NALF1: variants seen among roughly 807,000 people sequenced by gnomAD.
The protein encoded by NALF1 is NALCN channel auxiliary factor 1, also known as family with sequence similarity 155 member A.
In NALF1, 3 loss-of-function variants were observed where a neutral mutation model predicts 48.4. That is an observed-to-expected ratio of 0.06 (90% CI 0.03 to 0.16). The LOEUF is 0.16. NALF1 is among the 10% of genes least tolerant of loss of function. The probability of loss-of-function intolerance (pLI) is 1.00; values close to 1 mark genes in which losing one functional copy is unlikely to be tolerated. For synonymous variants in NALF1, 262 were observed against 245.7 expected (o/e 1.07, Z -0.62); for missense variants, 526 against 571.5 (o/e 0.92, Z 0.81).
chr13:107,191,894 C>T lies in NALF1; in HGVS notation c.1087+18690G>A, dbSNP rs1594062884. Among the ~76,000 whole-genome samples, 6 of 140,756 alleles carry T rather than the reference C, an allele frequency of 4.3e-5. No individual in the cohort carries two copies. The South Asian group carries it at 1.3e-3, about 31-fold the overall frequency. The allele number at this position is 140,756 out of a possible 152,430, so 92.3% of individuals were successfully genotyped here. Reference sequence around the variant, plus strand: ...ACGGGGTTTCACCATATTGGCCAGGCTGGTCTTGAACTCCTGACCTCAGGT... The same window carrying T: ...ACGGGGTTTCACCATATTGGCCAGGTTGGTCTTGAACTCCTGACCTCAGGT... On this transcript the variant is annotated intron_variant, in intron 2 of 2. Transcript: ENST00000375915.
intron 1 of NALF1, among the ~76,000 whole-genome samples, chr13:107,263,739 TTTATAAA>T (rs1159098475): frequency 3.3e-5 from 5 of 152,176 alleles, no homozygotes; most frequent in Non-Finnish European, 7.3e-5. Flanking sequence ...CCTCTTTTCC[TTTATAAA>T]TTACCCAGTC....
intron 1 of NALF1, among the ~76,000 whole-genome samples, chr13:107,451,484 T>G (rs2139035439): frequency 6.6e-6 from 1 of 152,302 alleles, no homozygotes; most frequent in Non-Finnish European, 1.5e-5. Context: ...ATAAAGAGTG[T>G]TAGCCATACA....
chr13:107,456,216 C>T (rs1884822927), intron 1 of NALF1, among the ~76,000 whole-genome samples: 1 of 152,248 alleles, frequency 6.6e-6, no homozygotes, highest in South Asian at 2.1e-4. Context: ...TCACCTGACA[C>T]TAGAGTGCCT....
At chr13:107,612,676 G>T (rs570177058) in intron 1 of NALF1, among the ~76,000 whole-genome samples, 1 of 152,066 alleles carries the variant, frequency 6.6e-6, no homozygotes, top group Admixed American at 6.5e-5. Context: ...AAACACAGGC[G>T]GGTATACTGG....
intron 1 of NALF1, among the ~76,000 whole-genome samples, chr13:107,278,634 G>C (rs960146534): frequency 6.6e-6 from 1 of 152,090 alleles, no homozygotes; most frequent in African/African-American, 2.4e-5. Flanking sequence ...CAATAAAGTA[G>C]CTTGTTTACA....
intron 1 of NALF1, among the ~76,000 whole-genome samples, chr13:107,454,660 G>T (rs1323986062): frequency 6.6e-6 from 1 of 152,122 alleles, no homozygotes; most frequent in Non-Finnish European, 1.5e-5. Flanking sequence ...TTTCTTAATG[G>T]TGAGACACAG....
intron 1 of NALF1, among the ~76,000 whole-genome samples, chr13:107,668,366 T>C (rs1245624171): frequency 6.6e-6 from 1 of 151,948 alleles, no homozygotes. Flanking sequence ...ACTCAGGTAG[T>C]TTTGCTCCTG....
chr13:107,570,490 TGA>T (rs1877953059), intron 1 of NALF1, among the ~76,000 whole-genome samples: 1 of 151,748 alleles, frequency 6.6e-6, no homozygotes, highest in Non-Finnish European at 1.5e-5. Flanking sequence ...TGGATTAGAT[TGA>T]TTTTCAAATA....
chr13:107,771,009 A>C (rs1396754088), intron 1 of NALF1, among the ~76,000 whole-genome samples: 10 of 152,178 alleles, frequency 6.6e-5, no homozygotes, highest in Admixed American at 6.5e-4. Flanking sequence ...CCTTAAATAA[A>C]ATCACCTGAC....
chr13:107,209,258 C>T (rs903721627), intron 2 of NALF1, among the ~76,000 whole-genome samples: 6 of 152,182 alleles, frequency 3.9e-5, no homozygotes, highest in Admixed American at 1.3e-4. Context: ...GTAATTCCAA[C>T]ACTTTTGGGA....
chr13:107,596,178 G>A (rs568760184), intron 1 of NALF1, among the ~76,000 whole-genome samples: 1 of 152,222 alleles, frequency 6.6e-6, no homozygotes, highest in African/African-American at 2.4e-5. Context: ...TCAATCTCAG[G>A]AAGCTACAGC....
intron 1 of NALF1, among the ~76,000 whole-genome samples, chr13:107,579,675 A>ATTTC (rs559197564): frequency 0.35 from 3,146 of 8,952 alleles, 219 homozygotes; most frequent in East Asian, 0.57. Context: ...CTGATTTCAT[A>ATTTC]TTTTTTTTTT....
intron 1 of NALF1, among the ~76,000 whole-genome samples, chr13:107,804,673 T>C (rs937298077): frequency 5.3e-5 from 8 of 152,158 alleles, no homozygotes; most frequent in Admixed American, 5.2e-4. Flanking sequence ...CACACTCTTC[T>C]CAGTATGAGG....
At chr13:107,607,338 T>G (rs74112288) in intron 1 of NALF1, among the ~76,000 whole-genome samples, 2,184 of 152,244 alleles carry the variant, frequency 0.014, 57 homozygotes, top group African/African-American at 0.05. Flanking sequence ...AAGCCAACAT[T>G]TAATTCACAA....
chr13:107,856,417 G>A (rs2138646489), intron 1 of NALF1, among the ~76,000 whole-genome samples: 1 of 152,260 alleles, frequency 6.6e-6, no homozygotes, highest in South Asian at 2.1e-4. Flanking sequence ...TGATGTGTTT[G>A]TGACCAGAAG....
At chr13:107,629,623 C>CAATGTCAG (rs1388739151) in intron 1 of NALF1, among the ~76,000 whole-genome samples, 1 of 43,158 alleles carries the variant, frequency 2.3e-5, no homozygotes, top group Non-Finnish European at 7.2e-5. Flanking sequence ...TCTCTTCTCA[C>CAATGTCAG]TTTTTATCTT....
intron 1 of NALF1, among the ~76,000 whole-genome samples, chr13:107,457,286 A>AT (rs1284294785): frequency 6.6e-6 from 1 of 152,166 alleles, no homozygotes; most frequent in Non-Finnish European, 1.5e-5. Flanking sequence ...TTGGGAGGGA[A>AT]TTTCGAGGCA....
At position 107,547,368 on chromosome 13, in the gene NALF1, G is replaced by A. The variant is rs186318912; in HGVS notation, c.915+318314C>T. Among the ~76,000 whole-genome samples, 12 of 152,232 alleles carry A rather than the reference G, an allele frequency of 7.9e-5. No individual in the cohort carries two copies. In the East Asian group the frequency reaches 2.3e-3, roughly 29 times the overall value. Reference sequence around the variant, plus strand: ...ATTTGACATTATTTACTAGAATAATGTTAAATTTCAATTACTTTGGAACTT... The same window carrying A: ...ATTTGACATTATTTACTAGAATAATATTAAATTTCAATTACTTTGGAACTT... On this transcript the variant is annotated intron_variant, in intron 1 of 2. Coordinates refer to ENST00000375915, the MANE Select transcript of NALF1 (RefSeq NM_001080396.3).
chr13:107,766,725 T>C (rs1358219865), intron 1 of NALF1, among the ~76,000 whole-genome samples: 2 of 152,210 alleles, frequency 1.3e-5, no homozygotes, highest in African/African-American at 4.8e-5. Context: ...AGACAAATTT[T>C]ATTAAAACAA....
Sources: allele counts gnomAD v4.1 joint callset (sites outside exome capture counted in the v4.1 genomes callset), GRCh38; gene constraint gnomAD v4.1.1; transcripts MANE v1.5; gene names NCBI Gene and HGNC (gene_info 2026-07-23, HGNC 2026-07-21).